CSNK2A1: variants seen among roughly 807,000 people sequenced by gnomAD.
CSNK2A1 encodes casein kinase 2 alpha 1, also known as casein kinase II subunit alpha.
In CSNK2A1, 10 loss-of-function variants were observed where a neutral mutation model predicts 62.9. The observed-to-expected ratio is 0.16, with a 90% CI of 0.10 to 0.27. The LOEUF is 0.27. CSNK2A1 is among the 10% of genes least tolerant of loss of function. The probability of loss-of-function intolerance (pLI) is 1.00; values close to 1 mark genes in which losing one functional copy is unlikely to be tolerated. For synonymous variants in CSNK2A1, 124 were observed against 167.8 expected, an observed-to-expected ratio of 0.74 and a Z score of 2.02; for missense variants, 160 against 492.0, an observed-to-expected ratio of 0.33 and a Z score of 6.38.
At chr20:541,773 T>C (rs1038675169) in intron 1 of CSNK2A1, among the ~76,000 whole-genome samples, 3 of 152,216 alleles carry the variant, frequency 2.0e-5, no homozygotes, top group Non-Finnish European at 4.4e-5. Flanking sequence ...AAAAGTCACC[T>C]CACGGGGACC....
rs1448104979 is a variant in CSNK2A1 at position 490,658 on chromosome 20, C to A, written c.622-777G>T. 2.0e-5 allele frequency among the ~76,000 whole-genome samples: 3 copies of A among 150,164 alleles called. No homozygotes were observed. In the South Asian group the frequency reaches 6.3e-4, roughly 31 times the overall value. On this transcript the variant is annotated intron_variant, in intron 9 of 13. Coordinates refer to ENST00000217244, the MANE Select transcript of CSNK2A1 (RefSeq NM_177559.3). ...TGACCTTGTGATCCACTTGCCTTGG[C>A]CTTTCCAAGTGCTGGGATTATAGGC... is the stretch of plus-strand genomic sequence containing the variant.
At position 480,148 on chromosome 20, in the gene CSNK2A1, T is replaced by G. The variant is rs2017927690; in HGVS notation, c.*3813A>C. ...CTTGTCATGTTAGTTCAGTCTGGCCTGTGGCTTGTAATTATAGCTGCAAAC... is the reference window on the plus strand; with the variant it reads ...CTTGTCATGTTAGTTCAGTCTGGCCGGTGGCTTGTAATTATAGCTGCAAAC... On this transcript the variant is annotated 3_prime_UTR_variant, in exon 14 of 14. Coordinates refer to ENST00000217244, the MANE Select transcript of CSNK2A1 (RefSeq NM_177559.3). 6.6e-6 allele frequency: 1 copy of G among 152,182 alleles called. No individual in the cohort carries two copies. Among genetic ancestry groups the G allele is most frequent in the Admixed American group, 6.5e-5 (1 of 15,276 alleles). 9.4% of individuals were successfully genotyped at this position (152,182 alleles called of 1,614,324 possible).
intron 2 of CSNK2A1, among the ~76,000 whole-genome samples, chr20:518,204 G>A (rs1341228155): frequency 1.3e-5 from 2 of 152,188 alleles, no homozygotes; most frequent in Non-Finnish European, 2.9e-5. Context: ...AGAGATATAA[G>A]CAAGCAAGGA....
rs552882381 is a variant in CSNK2A1 at position 542,392 on chromosome 20, T to C, written c.-227+1280A>G. On this transcript the variant is annotated intron_variant, in intron 1 of 13. Transcript: ENST00000217244. ...CTGGGCCTACACTGCACTCCTCAGA[T>C]GGAATGAAGTCTCCAATTCTTGGAA... is the stretch of plus-strand genomic sequence containing the variant. 3.3e-5 allele frequency among the ~76,000 whole-genome samples: 5 copies of C among 152,360 alleles called. No individual in the cohort carries two copies. In the South Asian group the frequency reaches 8.3e-4, roughly 25 times the overall value.
intron 2 of CSNK2A1, among the ~76,000 whole-genome samples, chr20:524,193 G>A (rs988388914): frequency 6.6e-6 from 1 of 151,930 alleles, no homozygotes; most frequent in Non-Finnish European, 1.5e-5. Context: ...GGAGGCTGAG[G>A]TGGGCAGATC....
intron 2 of CSNK2A1, among the ~76,000 whole-genome samples, chr20:520,183 A>G (rs2018915468): frequency 6.6e-6 from 1 of 152,122 alleles, no homozygotes; most frequent in Non-Finnish European, 1.5e-5. Flanking sequence ...TATATTAAAT[A>G]TAAGTGGAAT....
intron 4 of CSNK2A1, chr20:503,507 T>C (rs1419477425): frequency 2.5e-6 from 1 of 398,494 alleles, no homozygotes; most frequent in African/African-American, 2.1e-5. Flanking sequence ...ACACTTTACA[T>C]TTTTGAGGAA....
chr20:490,336 T>TTTTTTTTTTC, intron 9 of CSNK2A1, among the ~76,000 whole-genome samples: 1 of 58,584 alleles, frequency 1.7e-5, no homozygotes, highest in South Asian at 1.0e-3. Flanking sequence ...TAGTTTTTTC[T>TTTTTTTTTTC]TTTTTTTTTT....
intron 3 of CSNK2A1, chr20:505,974 A>C (rs1484459013): frequency 7.2e-6 from 1 of 139,136 alleles, no homozygotes; most frequent in Non-Finnish European, 1.5e-5. Flanking sequence ...TCCCAGGTTC[A>C]CGCCATTCTC....
At chr20:525,895 T>G (rs1249433788) in intron 2 of CSNK2A1, among the ~76,000 whole-genome samples, 1 of 147,332 alleles carries the variant, frequency 6.8e-6, no homozygotes, top group Non-Finnish European at 1.5e-5. Context: ...GGTCCAACTA[T>G]TCAGGAGTCT....
At chr20:528,462 G>C (rs1286619513) in intron 1 of CSNK2A1, among the ~76,000 whole-genome samples, 5 of 152,028 alleles carry the variant, frequency 3.3e-5, no homozygotes, top group African/African-American at 1.2e-4. Flanking sequence ...TGTGTAACAG[G>C]GTCTTGCTCT....
intron 2 of CSNK2A1, among the ~76,000 whole-genome samples, chr20:509,004 T>C (rs2018662614): frequency 1.3e-5 from 2 of 152,224 alleles, no homozygotes; most frequent in Admixed American, 6.5e-5. Context: ...CAAAAGGTAT[T>C]GGCAAGAAAA....
chr20:497,589 A>T, intron 7 of CSNK2A1, 132 bp downstream of exon 7: 1 of 697,818 alleles, frequency 1.4e-6, no homozygotes, highest in South Asian at 1.7e-5. Context: ...TTAACTTATT[A>T]AAAACTTATA....
intron 13 of CSNK2A1, among the ~76,000 whole-genome samples, chr20:485,109 A>C (rs11698784): frequency 4.1e-5 from 1 of 24,666 alleles, no homozygotes; most frequent in Non-Finnish European, 7.2e-5. Context: ...AAAAAAAAAA[A>C]ATATATATAT....
intron 8 of CSNK2A1, chr20:494,678 G>C (rs1172705080): frequency 6.6e-6 from 1 of 152,186 alleles, no homozygotes; most frequent in Non-Finnish European, 1.5e-5. Flanking sequence ...TCTATCTTCA[G>C]AGAAAAGGCC....
chr20:538,895 C>T (rs1332070311), intron 1 of CSNK2A1, among the ~76,000 whole-genome samples: 1 of 152,170 alleles, frequency 6.6e-6, no homozygotes, highest in Non-Finnish European at 1.5e-5. Context: ...TTACAGAAAT[C>T]CTACCAATGT....
At position 483,123 on chromosome 20, in the gene CSNK2A1, A is replaced by G. The variant is rs765535094; in HGVS notation, c.*838T>C. On this transcript the variant is annotated 3_prime_UTR_variant, in exon 14 of 14. Coordinates refer to ENST00000217244, the MANE Select transcript of CSNK2A1 (RefSeq NM_177559.3). ...AATGGCCAAGACAAAGAAAACTAAGAAAGATTTTGCCTTCCCTCTCCTACC... is the reference window on the plus strand; with the variant it reads ...AATGGCCAAGACAAAGAAAACTAAGGAAGATTTTGCCTTCCCTCTCCTACC... The G allele has an allele frequency of 1.3e-5, 2 of 152,232 alleles. No individual in the cohort carries two copies. The highest frequency in any genetic ancestry group is 4.8e-5 in the African/African-American group (2 of 41,464). 9.4% of individuals were successfully genotyped at this position (152,232 alleles called of 1,614,324 possible).
At position 478,805 on chromosome 20, in the gene CSNK2A1, G is replaced by A. The variant is rs756402732; in HGVS notation, c.*5156C>T. 2.3e-4 allele frequency: 69 copies of A among 297,796 alleles called. 1 individual carries two copies. The highest frequency in any genetic ancestry group is 1.6e-3 in the Admixed American group (32 of 20,522). 18.4% of individuals were successfully genotyped at this position (297,796 alleles called of 1,614,324 possible). A position where few individuals can be genotyped will look rare whatever the true frequency, so the allele number is the denominator to read the frequency against. On this transcript the variant is annotated 3_prime_UTR_variant, in exon 14 of 14. Coordinates refer to ENST00000217244, the MANE Select transcript of CSNK2A1 (RefSeq NM_177559.3). ...AAAAATTAGCCAAGCATGATGGCTC[G>A]TGCCTGTAGTCCCTGGAAGGCTGAG...
At chr20:535,049 A>T (rs1298382572) in intron 1 of CSNK2A1, among the ~76,000 whole-genome samples, 1 of 149,716 alleles carries the variant, frequency 6.7e-6, no homozygotes, top group Non-Finnish European at 1.5e-5. Context: ...AAAAAAAAAA[A>T]AAAAAAAAAA....
Sources: allele counts gnomAD v4.1 joint callset (sites outside exome capture counted in the v4.1 genomes callset), GRCh38; gene constraint gnomAD v4.1.1; transcripts MANE v1.5; gene names NCBI Gene and HGNC (gene_info 2026-07-23, HGNC 2026-07-21).